TMEM131L: variants seen among roughly 807,000 people sequenced by gnomAD.
TMEM131L encodes the protein transmembrane protein 131-like.
TMEM131L carries 54 observed loss-of-function variants against 192.2 expected under a neutral mutation model. The ratio of observed to expected loss-of-function variants is 0.28; its 90% CI spans 0.23 to 0.35. TMEM131L has a LOEUF of 0.35. Among genes scored for constraint, TMEM131L ranks in the 10% least tolerant of loss-of-function variants. TMEM131L has a pLI of 1.00. For missense variants in TMEM131L, 1,888 were observed against 1,972.9 expected, an observed-to-expected ratio of 0.96 and a Z score of 0.82; for synonymous variants, 701 against 704.9, an observed-to-expected ratio of 0.99 and a Z score of 0.09.
At chr4:153,494,460 TATTC>T (rs1196013354) in intron 3 of TMEM131L, among the ~76,000 whole-genome samples, 3 of 152,236 alleles carry the variant, frequency 2.0e-5, no homozygotes, top group Admixed American at 2.0e-4. Context: ...TCTTCTAAAA[TATTC>T]AGTGTTTTCA....
chr4:153,518,837 C>T (rs886737145), intron 3 of TMEM131L, among the ~76,000 whole-genome samples: 5 of 152,158 alleles, frequency 3.3e-5, no homozygotes, highest in African/African-American at 4.8e-5. Flanking sequence ...CCGGGGGACA[C>T]GTGCTGATTT....
intron 3 of TMEM131L, among the ~76,000 whole-genome samples, chr4:153,517,990 T>TATTCCTTGAA (rs1734851121): frequency 6.6e-6 from 1 of 152,150 alleles, no homozygotes; most frequent in African/African-American, 2.4e-5. Context: ...TAGTTTTCTT[T>TATTCCTTGAA]ATTCCTTGAA....
intron 3 of TMEM131L, among the ~76,000 whole-genome samples, chr4:153,530,763 T>C (rs1735838169): frequency 1.3e-5 from 2 of 152,112 alleles, no homozygotes; most frequent in Non-Finnish European, 2.9e-5. Context: ...GGTCTTAGGA[T>C]CGCAGCTGAG....
At chr4:153,619,142 G>A (rs373056769) in intron 26 of TMEM131L, among the ~76,000 whole-genome samples, 14 of 152,286 alleles carry the variant, frequency 9.2e-5, no homozygotes, top group African/African-American at 3.4e-4. Flanking sequence ...TTTGAGAAAG[G>A]CAGCCAAGTA....
Position 153,623,009 on chromosome 4 carries a change from G to C in TMEM131L, c.3971G>C (p.Gly1324Ala), listed in dbSNP as rs1408142707. 6.2e-7 allele frequency: 1 copy of C among 1,614,114 alleles called. No homozygotes were observed. Among genetic ancestry groups the C allele is most frequent in the East Asian group, 2.2e-5 (1 of 44,884 alleles). Residue 1324 changes from glycine to alanine, a missense_variant, in exon 29 of 35, where the codon GGG becomes GCG. Coordinates refer to ENST00000409959, the MANE Select transcript of TMEM131L (RefSeq NM_001131007.2). ...GSVRASRGSW[G>A]SWSSTSSSDG... is the part of the protein sequence containing the mutation. ...GTGCGTGCCAGCCGGGGCAGCTGGG[G>C]GAGCTGGAGCAGCACCAGCAGCTCC...
chr4:153,570,372 C>T (rs1158061745), intron 7 of TMEM131L, among the ~76,000 whole-genome samples: 1 of 152,150 alleles, frequency 6.6e-6, no homozygotes, highest in African/African-American at 2.4e-5. Context: ...TGAATTCATG[C>T]TGGTTGTGGA....
intron 3 of TMEM131L, among the ~76,000 whole-genome samples, chr4:153,543,791 T>G (rs1181413061): frequency 5.9e-5 from 9 of 152,364 alleles, no homozygotes; most frequent in Non-Finnish European, 8.8e-5. Context: ...CCAAGGAGAT[T>G]AATGCAGGGA....
chr4:153,508,231 A>G (rs532899174), intron 3 of TMEM131L, among the ~76,000 whole-genome samples: 35 of 152,306 alleles, frequency 2.3e-4, no homozygotes, highest in Admixed American at 2.2e-3. Context: ...GAAGGCAGAT[A>G]GACTTTTTAA....
At chr4:153,504,672 G>T (rs1016679321) in intron 3 of TMEM131L, among the ~76,000 whole-genome samples, 18 of 152,126 alleles carry the variant, frequency 1.2e-4, no homozygotes, top group Admixed American at 8.5e-4. Context: ...TATAAATAAT[G>T]ATTTTTTTCA....
chr4:153,586,446 AG>A, intron 14 of TMEM131L, 67 bp downstream of exon 14: 1 of 1,210,892 alleles, frequency 8.3e-7, no homozygotes, highest in Non-Finnish European at 1.1e-6. Flanking sequence ...ATTAACCTTT[AG>A]TGCTTGAGTT....
chr4:153,546,917 A>C (rs975692529), intron 3 of TMEM131L, among the ~76,000 whole-genome samples: 1 of 152,228 alleles, frequency 6.6e-6, no homozygotes, highest in African/African-American at 2.4e-5. Context: ...ACAAGAGTGA[A>C]ACTCTGTCTC....
At chr4:153,520,887 T>C (rs993217068) in intron 3 of TMEM131L, among the ~76,000 whole-genome samples, 4 of 152,234 alleles carry the variant, frequency 2.6e-5, no homozygotes, top group African/African-American at 9.6e-5. Context: ...GGGGTAATTG[T>C]AGCTTCTGCT....
At chr4:153,554,473 A>G (rs985854916) in intron 4 of TMEM131L, among the ~76,000 whole-genome samples, 2 of 152,230 alleles carry the variant, frequency 1.3e-5, no homozygotes, top group Non-Finnish European at 2.9e-5. Flanking sequence ...CAAGGATTTG[A>G]TGGTAGTAAT....
At chr4:153,561,095 G>A (rs1281154635) in intron 7 of TMEM131L, among the ~76,000 whole-genome samples, 1 of 152,156 alleles carries the variant, frequency 6.6e-6, no homozygotes, top group Non-Finnish European at 1.5e-5. Context: ...GCATGAAGTG[G>A]TATCTCATGT....
At position 153,581,340 on chromosome 4, in the gene TMEM131L, C is replaced by G. The variant is rs147278172; in HGVS notation, c.739-67C>G. ...TACGTTAAATGCTTCTCCTTTCCTCCATAGTTTGAAACCACAAAGTTGAGA... is the reference window on the plus strand; with the variant it reads ...TACGTTAAATGCTTCTCCTTTCCTCGATAGTTTGAAACCACAAAGTTGAGA... On this transcript the variant is annotated intron_variant, in intron 8 of 34. Coordinates refer to ENST00000409959, the MANE Select transcript of TMEM131L (RefSeq NM_001131007.2). 205 of 1,321,018 alleles carry G rather than the reference C, an allele frequency of 1.6e-4. No individual in the cohort carries two copies. The African/African-American group carries it at 2.7e-3, about 18-fold the overall frequency. The allele number at this position is 1,321,018 out of a possible 1,614,324, so 81.8% of individuals were successfully genotyped here. A position where few individuals can be genotyped will look rare whatever the true frequency, so the allele number is the denominator to read the frequency against.
chr4:153,557,136 G>T (rs1728524500), intron 6 of TMEM131L, 54 bp downstream of exon 6: 2 of 780,898 alleles, frequency 2.6e-6, no homozygotes. Flanking sequence ...AACTGTAGGG[G>T]TGTGTGTGTA....
At position 153,634,254 on chromosome 4, in the gene TMEM131L, T is replaced by C. The variant is rs755227805; in HGVS notation, c.4391T>C (p.Leu1464Ser). 5 of 1,613,666 alleles carry C rather than the reference T, an allele frequency of 3.1e-6. No homozygotes were observed. The highest frequency in any genetic ancestry group is 3.3e-5 in the Admixed American group (2 of 60,002). Reference sequence around the variant, plus strand: ...TCCAGCGCATACTGTCCATTGGAATTGAACGATTACAATGCCTTTCCAGAA... The same window carrying C: ...TCCAGCGCATACTGTCCATTGGAATCGAACGATTACAATGCCTTTCCAGAA... ...QFSSAYCPLE[L>S]NDYNAFPEEN... is the part of the protein sequence containing the mutation. The change falls in exon 33 of 35, where the codon TTG becomes TCG. Residue 1464 changes from leucine (L) to serine (S), a missense_variant. Transcript: ENST00000409959.
intron 5 of TMEM131L, among the ~76,000 whole-genome samples, 186 bp downstream of exon 5, chr4:153,556,096 C>T (rs557673806): frequency 1.0e-3 from 109 of 105,806 alleles, no homozygotes; most frequent in Non-Finnish European, 1.5e-3. Context: ...ATTTTGGTGG[C>T]TCTTGATATC....
At chr4:153,612,990 A>G (rs190259522) in intron 26 of TMEM131L, among the ~76,000 whole-genome samples, 7 of 152,346 alleles carry the variant, frequency 4.6e-5, no homozygotes, top group Admixed American at 4.6e-4. Flanking sequence ...CAAGAAGTAC[A>G]AACTTAAGCT....
Sources: allele counts gnomAD v4.1 joint callset (sites outside exome capture counted in the v4.1 genomes callset), GRCh38; gene constraint gnomAD v4.1.1; transcripts MANE v1.5; gene names NCBI Gene and HGNC (gene_info 2026-07-23, HGNC 2026-07-21).